The following CYP19A1 variants were observed in gnomAD, a reference collection of about 807,000 sequenced individuals.
The protein encoded by CYP19A1 is aromatase.
Under a neutral mutation model 44.4 loss-of-function variants are expected in CYP19A1, and 32 were observed. The ratio of observed to expected loss-of-function variants is 0.72; its 90% CI spans 0.54 to 0.97. The LOEUF (loss-of-function observed/expected upper bound fraction) is 0.97. CYP19A1 is among the 50% of genes least tolerant of loss of function. The pLI is 0.00. For missense variants in CYP19A1, 598 were observed against 637.8 expected, an observed-to-expected ratio of 0.94 and a Z score of 0.67; for synonymous variants, 212 against 215.6, an observed-to-expected ratio of 0.98 and a Z score of 0.14.
intron 1 of CYP19A1, among the ~76,000 whole-genome samples, chr15:51,288,317 C>T (rs1472505640): frequency 1.3e-5 from 2 of 152,088 alleles, no homozygotes; most frequent in South Asian, 2.1e-4. Context: ...AAGCTGCCAC[C>T]GCTCTGCCCA....
At chr15:51,298,457 G>A (rs955615604) in intron 1 of CYP19A1, among the ~76,000 whole-genome samples, 15 of 152,174 alleles carry the variant, frequency 9.9e-5, no homozygotes, top group Admixed American at 6.5e-5. Flanking sequence ...ATTCACATAG[G>A]AATCAGGAAG....
At chr15:51,318,796 A>G (rs1208100196) in intron 1 of CYP19A1, 1 of 152,216 alleles carries the variant, frequency 6.6e-6, no homozygotes, top group Non-Finnish European at 1.5e-5. Flanking sequence ...TTCTTTCAGG[A>G]AACAACTGGT....
chr15:51,307,925 A>G (rs924826358), intron 1 of CYP19A1, among the ~76,000 whole-genome samples: 2 of 152,228 alleles, frequency 1.3e-5, no homozygotes, highest in African/African-American at 4.8e-5. Context: ...GAGCATCTAC[A>G]GTATACCAAG....
intron 1 of CYP19A1, among the ~76,000 whole-genome samples, chr15:51,252,560 A>T (rs1168809428): frequency 6.6e-6 from 1 of 152,190 alleles, no homozygotes; most frequent in Non-Finnish European, 1.5e-5. Flanking sequence ...AGAAACGTTT[A>T]AGGGGAAAGT....
At chr15:51,282,038 G>A (rs904696284) in intron 1 of CYP19A1, among the ~76,000 whole-genome samples, 1 of 152,166 alleles carries the variant, frequency 6.6e-6, no homozygotes, top group Non-Finnish European at 1.5e-5. Context: ...CCCCTTGTTG[G>A]TTCCCTCTCT....
intron 1 of CYP19A1, among the ~76,000 whole-genome samples, chr15:51,261,828 G>A (rs2034733691): frequency 6.6e-6 from 1 of 152,130 alleles, no homozygotes; most frequent in African/African-American, 2.4e-5. Context: ...GGGCCCATTG[G>A]AGAGGCCGAT....
chr15:51,269,534 T>C (rs2140950157), intron 1 of CYP19A1, among the ~76,000 whole-genome samples: 1 of 152,206 alleles, frequency 6.6e-6, no homozygotes, highest in Admixed American at 6.5e-5. Context: ...GGTGGACTGC[T>C]CAAATCTCCT....
chr15:51,308,078 A>G (rs2036246340), intron 1 of CYP19A1, among the ~76,000 whole-genome samples: 1 of 152,174 alleles, frequency 6.6e-6, no homozygotes, highest in African/African-American at 2.4e-5. Flanking sequence ...CCAGAAAGGG[A>G]AGGTAGGAGA....
intron 1 of CYP19A1, among the ~76,000 whole-genome samples, chr15:51,254,286 C>T (rs571348141): frequency 3.9e-5 from 6 of 152,306 alleles, no homozygotes; most frequent in South Asian, 2.1e-4. Context: ...ATTTAACTTA[C>T]GTCTCATAGT....
chr15:51,301,286 G>T (rs1452717453), intron 1 of CYP19A1, among the ~76,000 whole-genome samples: 1 of 152,206 alleles, frequency 6.6e-6, no homozygotes, highest in African/African-American at 2.4e-5. Flanking sequence ...TTGTTCTCCT[G>T]TATGGCTGTT....
At chr15:51,231,171 G>C (rs570864648) in intron 3 of CYP19A1, among the ~76,000 whole-genome samples, 13 of 152,292 alleles carry the variant, frequency 8.5e-5, no homozygotes, top group African/African-American at 3.1e-4. Context: ...GAAGTTCCTA[G>C]TACTACTGAA....
intron 1 of CYP19A1, among the ~76,000 whole-genome samples, chr15:51,253,234 T>C (rs1403911596): frequency 6.6e-6 from 1 of 152,180 alleles, no homozygotes; most frequent in Non-Finnish European, 1.5e-5. Flanking sequence ...CCTTATCAGG[T>C]GTCTAGCATA....
intron 1 of CYP19A1, among the ~76,000 whole-genome samples, chr15:51,268,019 T>G (rs765486237): frequency 1.3e-5 from 2 of 152,206 alleles, no homozygotes; most frequent in Non-Finnish European, 2.9e-5. Context: ...CCCCTAGGTT[T>G]CCTCCAGAGC....
chr15:51,299,401 C>G (rs1273225255), intron 1 of CYP19A1, among the ~76,000 whole-genome samples: 1 of 152,184 alleles, frequency 6.6e-6, no homozygotes, highest in Non-Finnish European at 1.5e-5. Flanking sequence ...CAGTTGCTAC[C>G]CAGGATCATC....
chr15:51,235,486 CCTGAAGCCATTT>C (rs2033334651), intron 3 of CYP19A1, among the ~76,000 whole-genome samples: 1 of 152,180 alleles, frequency 6.6e-6, no homozygotes, highest in Non-Finnish European at 1.5e-5. Context: ...GATGTTTCCA[CCTGAAGCCATTT>C]CTGTTTAGTT....
At chr15:51,232,598 A>G (rs990582648) in intron 3 of CYP19A1, among the ~76,000 whole-genome samples, 1 of 152,006 alleles carries the variant, frequency 6.6e-6, no homozygotes, top group Non-Finnish European at 1.5e-5. Flanking sequence ...TCAGGACACG[A>G]TGTCCCCATT....
At chr15:51,256,229 T>C (rs915287022) in intron 1 of CYP19A1, among the ~76,000 whole-genome samples, 1 of 152,126 alleles carries the variant, frequency 6.6e-6, no homozygotes, top group Non-Finnish European at 1.5e-5. Flanking sequence ...ATATCTGAAA[T>C]GGAAAAAATA....
At chr15:51,237,869 AATG>A (rs2033506597) in intron 2 of CYP19A1, among the ~76,000 whole-genome samples, 1 of 152,222 alleles carries the variant, frequency 6.6e-6, no homozygotes, top group Non-Finnish European at 1.5e-5. Context: ...AAAGTTTTAG[AATG>A]TTTTCAGGAG....
At chr15:51,289,754 C>G (rs887664814) in intron 1 of CYP19A1, among the ~76,000 whole-genome samples, 2 of 152,146 alleles carry the variant, frequency 1.3e-5, no homozygotes, top group Non-Finnish European at 2.9e-5. Context: ...GGACTGAAAG[C>G]TCACCCCGTG....
Sources: allele counts gnomAD v4.1 joint callset (sites outside exome capture counted in the v4.1 genomes callset), GRCh38; gene constraint gnomAD v4.1.1; transcripts MANE v1.5; gene names NCBI Gene and HGNC (gene_info 2026-07-23, HGNC 2026-07-21).